The following TENM2 variants were observed in gnomAD, a reference collection of about 807,000 sequenced individuals.
TENM2 encodes the protein teneurin transmembrane protein 2, also known as teneurin-2.
TENM2 carries 52 observed loss-of-function variants against 245.2 expected under a neutral mutation model. That is an observed-to-expected ratio of 0.21 (90% CI 0.17 to 0.27). The LOEUF (loss-of-function observed/expected upper bound fraction) is 0.27. Among genes scored for constraint, TENM2 ranks in the 10% least tolerant of loss-of-function variants. TENM2 has a pLI of 1.00. For missense variants in TENM2, 3,046 were observed against 3,666.8 expected (o/e 0.83, Z 4.37); for synonymous variants, 1,363 against 1,438.9 (o/e 0.95, Z 1.19).
chr5:167,482,057 A>G (rs530992664), intron 2 of TENM2, among the ~76,000 whole-genome samples: 12 of 152,336 alleles, frequency 7.9e-5, no homozygotes, highest in African/African-American at 1.7e-4. Context: ...TCATCGCTAT[A>G]GAGTTATCTT....
intron 1 of TENM2, among the ~76,000 whole-genome samples, chr5:167,327,517 C>G (rs1323900432): frequency 6.6e-6 from 1 of 152,122 alleles, no homozygotes; most frequent in East Asian, 1.9e-4. Flanking sequence ...GGCGCATAGA[C>G]ACCCAGTAAA....
chr5:168,034,988 T>C (rs781031461), intron 5 of TENM2, among the ~76,000 whole-genome samples: 7 of 152,212 alleles, frequency 4.6e-5, no homozygotes, highest in Non-Finnish European at 1.0e-4. Context: ...TTTTGCAAGA[T>C]GATGTTTCAC....
chr5:168,167,632 C>A lies in TENM2; in HGVS notation c.2569+4875C>A, dbSNP rs535346678. On this transcript the variant is annotated intron_variant, in intron 13 of 28. Transcript: ENST00000518659. ...TTCCTTACTAAACTAGGAGAGATGT[C>A]TTTTCCCCTCGTTCCGTTTCAACAC... Among the ~76,000 whole-genome samples the A allele has an allele frequency of 2.0e-5, 3 of 152,316 alleles. No homozygotes were observed. In the East Asian group the frequency reaches 5.8e-4, roughly 29 times the overall value.
the TENM2 span, among the ~76,000 whole-genome samples, chr5:167,034,615 G>C: frequency 8.0e-6 from 1 of 124,788 alleles, no homozygotes; most frequent in Non-Finnish European, 1.6e-5. Flanking sequence ...GGGCGACAGA[G>C]CGAGACTCCG....
At chr5:167,313,514 G>A (rs1411129620) in intron 1 of TENM2, among the ~76,000 whole-genome samples, 1 of 152,150 alleles carries the variant, frequency 6.6e-6, no homozygotes, top group Non-Finnish European at 1.5e-5. Context: ...GTGTGTGCCT[G>A]TAATCCCGGC....
the TENM2 span, among the ~76,000 whole-genome samples, chr5:167,145,149 T>G: frequency 4.7e-4 from 72 of 152,272 alleles, no homozygotes; most frequent in African/African-American, 1.5e-3. Flanking sequence ...CTCCTCAAGA[T>G]CCTTCATTTA....
intron 23 of TENM2, among the ~76,000 whole-genome samples, chr5:168,221,581 T>G (rs1763674440): frequency 6.6e-6 from 1 of 152,196 alleles, no homozygotes; most frequent in Admixed American, 6.5e-5. Flanking sequence ...TATCAATGAC[T>G]CTGGAAGCAG....
At chr5:167,784,886 C>A (rs535571602) in intron 2 of TENM2, among the ~76,000 whole-genome samples, 26 of 152,202 alleles carry the variant, frequency 1.7e-4, no homozygotes, top group Non-Finnish European at 2.5e-4. Context: ...ATACCAGTGA[C>A]AAATGATTTG....
At chr5:167,720,118 A>T (rs2150514591) in intron 2 of TENM2, among the ~76,000 whole-genome samples, 1 of 152,308 alleles carries the variant, frequency 6.6e-6, no homozygotes, top group Admixed American at 6.5e-5. Flanking sequence ...GCATTTCCAA[A>T]AACAATTTTC....
chr5:168,081,898 A>G (rs967326897), intron 7 of TENM2, among the ~76,000 whole-genome samples: 7 of 152,106 alleles, frequency 4.6e-5, no homozygotes, highest in African/African-American at 1.7e-4. Context: ...TGAATCTGAC[A>G]ATTATGTGTC....
intron 1 of TENM2, among the ~76,000 whole-genome samples, chr5:167,318,278 G>T (rs1756492159): frequency 6.6e-6 from 1 of 152,124 alleles, no homozygotes; most frequent in Non-Finnish European, 1.5e-5. Flanking sequence ...GAGAAAATTT[G>T]AAATTAACCA....
chr5:167,445,330 T>TAGGGAGAGAGAGAGAGAGAGAGAGAGAG (rs1275688569), intron 2 of TENM2, among the ~76,000 whole-genome samples: 1 of 49,302 alleles, frequency 2.0e-5, no homozygotes, highest in Non-Finnish European at 3.6e-5. Flanking sequence ...TATATATATA[T>TAGGGAGAGAGAGAGAGAGAGAGAGAGAG]ATATATAGAG....
At chr5:167,928,747 T>A (rs1265011023) in intron 3 of TENM2, among the ~76,000 whole-genome samples, 1 of 150,560 alleles carries the variant, frequency 6.6e-6, no homozygotes, top group Non-Finnish European at 1.5e-5. Context: ...TACAAAAAAA[T>A]TAGCTAGATG....
intron 13 of TENM2, among the ~76,000 whole-genome samples, chr5:168,174,082 G>T (rs994881684): frequency 6.6e-6 from 1 of 152,164 alleles, no homozygotes; most frequent in Non-Finnish European, 1.5e-5. Flanking sequence ...ATTTGTTTGT[G>T]CCTCCCATCA....
the TENM2 span, among the ~76,000 whole-genome samples, chr5:167,044,036 A>AGAAGGAAG: frequency 4.1e-3 from 524 of 128,572 alleles, 3 homozygotes; most frequent in South Asian, 0.014. Context: ...TAGTAAGGAC[A>AGAAGGAAG]GAAGGAAGGA....
intron 2 of TENM2, among the ~76,000 whole-genome samples, chr5:167,440,428 C>T (rs1231587075): frequency 6.6e-6 from 1 of 152,070 alleles, no homozygotes; most frequent in Non-Finnish European, 1.5e-5. Context: ...GATTATGAAG[C>T]ATAATCTAGG....
chr5:167,091,367 A>C, the TENM2 span, among the ~76,000 whole-genome samples: 1 of 152,326 alleles, frequency 6.6e-6, no homozygotes, highest in Admixed American at 6.5e-5. Flanking sequence ...GATTTGAACA[A>C]GAATTTTGCT....
At chr5:167,649,584 G>A (rs1409770136) in intron 2 of TENM2, among the ~76,000 whole-genome samples, 6 of 152,064 alleles carry the variant, frequency 3.9e-5, no homozygotes, top group African/African-American at 1.4e-4. Context: ...GGCCTATTAT[G>A]GCATTTTCAT....
intron 2 of TENM2, among the ~76,000 whole-genome samples, chr5:167,569,929 C>G (rs1021713812): frequency 5.3e-5 from 8 of 152,070 alleles, no homozygotes; most frequent in Non-Finnish European, 1.0e-4. Flanking sequence ...TATGATACAT[C>G]CGAGAGCACT....
Sources: allele counts gnomAD v4.1 joint callset (sites outside exome capture counted in the v4.1 genomes callset), GRCh38; gene constraint gnomAD v4.1.1; transcripts MANE v1.5; gene names NCBI Gene and HGNC (gene_info 2026-07-23, HGNC 2026-07-21).